ATP13A4: variants seen among roughly 807,000 people sequenced by gnomAD.
The protein encoded by ATP13A4 is ATPase 13A4, also known as probable cation-transporting ATPase 13A4.
In ATP13A4, 114 loss-of-function variants were observed where a neutral mutation model predicts 142.5. The ratio of observed to expected loss-of-function variants is 0.80; its 90% confidence interval spans 0.69 to 0.93. The LOEUF (loss-of-function observed/expected upper bound fraction) is 0.93. Among genes scored for constraint, ATP13A4 ranks in the 40% least tolerant of loss-of-function variants. ATP13A4 has a pLI of 0.00. For synonymous variants in ATP13A4, 488 were observed against 514.8 expected (o/e 0.95, Z 0.70); for missense variants, 1,392 against 1,454.0 (o/e 0.96, Z 0.69).
intron 1 of ATP13A4, among the ~76,000 whole-genome samples, chr3:193,583,444 T>C (rs929299492): frequency 6.6e-6 from 1 of 150,714 alleles, no homozygotes; most frequent in Non-Finnish European, 1.5e-5. Context: ...AAAAATAAAA[T>C]AAAATAAATA....
chr3:193,432,586 G>C lies in ATP13A4; in HGVS notation c.2842+1259C>G, dbSNP rs190932576. On this transcript the variant is annotated intron_variant, in intron 25 of 29. Coordinates refer to ENST00000342695, the MANE Select transcript of ATP13A4 (RefSeq NM_032279.4). ...AAAAAGAAATGAACTATCAAACTAT[G>C]AAAAGACATAGTTGAACCTTAAATG... is the stretch of plus-strand genomic sequence containing the variant. Among the ~76,000 whole-genome samples, 152 of 152,132 alleles carry C rather than the reference G, an allele frequency of 1.0e-3. 2 individuals are homozygous for C. Among genetic ancestry groups the C allele is most frequent in the African/African-American group, 3.5e-3 (144 of 41,526 alleles).
intron 25 of ATP13A4, chr3:193,417,080 G>A (rs1015634965): frequency 3.4e-5 from 5 of 145,470 alleles, no homozygotes; most frequent in African/African-American, 9.9e-5. Flanking sequence ...TTAAGATGCT[G>A]AAAGAAAAAG....
intron 1 of ATP13A4, among the ~76,000 whole-genome samples, chr3:193,548,825 G>A (rs1266832474): frequency 6.6e-6 from 1 of 152,190 alleles, no homozygotes. Context: ...CCCATTACTA[G>A]GTTCTCCGAA....
intron 25 of ATP13A4, among the ~76,000 whole-genome samples, chr3:193,432,961 G>A (rs7643458): frequency 1.3e-5 from 2 of 151,994 alleles, no homozygotes; most frequent in African/African-American, 4.8e-5. Context: ...TAATGTAAAC[G>A]ATGGACTTTG....
In ATP13A4 at chr3:193,457,395, C is replaced by G. The variant is rs146217259; in HGVS notation, c.1745G>C (p.Cys582Ser). 2.0e-4 allele frequency: 317 copies of G among 1,614,202 alleles called. 2 individuals are homozygous for G. In the African/African-American group the frequency reaches 4.0e-3, roughly 20 times the overall value. Residue 582 changes from cysteine (C) to serine (S), a missense_variant, in exon 15 of 30, where the codon TGC becomes TCC. Physicochemically the swap from Cys to Ser is moderately radical, Grantham distance 112 (BLOSUM62 -1). Coordinates refer to ENST00000342695, the MANE Select transcript of ATP13A4 (RefSeq NM_032279.4). ...AGGGCTTACCTGGCTGGCTGTTCTG[C>G]AGGGCTTAACTACCATGGCATGTGC... ...VPAHAMVVKP[C>S]RTASQVPVEG...
chr3:193,414,137 G>A (rs1714924638), intron 26 of ATP13A4, among the ~76,000 whole-genome samples: 1 of 152,160 alleles, frequency 6.6e-6, no homozygotes, highest in Non-Finnish European at 1.5e-5. Context: ...ATTGGGGGCA[G>A]GTTCCCCCGA....
intron 25 of ATP13A4, among the ~76,000 whole-genome samples, chr3:193,432,176 A>G (rs1451427455): frequency 6.6e-6 from 1 of 152,214 alleles, no homozygotes; most frequent in African/African-American, 2.4e-5. Flanking sequence ...ATCCTTGAGA[A>G]GGTTGGAGGA....
At chr3:193,441,322 CA>C in intron 20 of ATP13A4, 143 bp downstream of exon 20, 1 of 1,061,628 alleles carries the variant, frequency 9.4e-7, no homozygotes, top group South Asian at 1.4e-5. Flanking sequence ...GTATCTTCTG[CA>C]AAAATATCTG....
At chr3:193,568,109 G>A (rs147107626) in intron 2 of ATP13A4, among the ~76,000 whole-genome samples, 4,789 of 152,076 alleles carry the variant, frequency 0.031, 242 homozygotes, top group African/African-American at 0.11. Context: ...ACAGGCACAT[G>A]CCACCACACC....
At chr3:193,470,367 G>T (rs1489934) in intron 9 of ATP13A4, among the ~76,000 whole-genome samples, 2 of 152,144 alleles carry the variant, frequency 1.3e-5, no homozygotes, top group African/African-American at 4.8e-5. Context: ...ACTGGAAGCA[G>T]CAGCTTTACC....
chr3:193,556,167 A>G (rs1723879508), upstream of ATP13A4, among the ~76,000 whole-genome samples: 1 of 152,144 alleles, frequency 6.6e-6, no homozygotes, highest in South Asian at 2.1e-4. Context: ...CTCACATGTA[A>G]CATAAAGATG....
chr3:193,445,157 G>C (rs1228451760), intron 18 of ATP13A4, among the ~76,000 whole-genome samples: 2 of 152,190 alleles, frequency 1.3e-5, no homozygotes, highest in African/African-American at 4.8e-5. Context: ...GAGAGCACTG[G>C]CCAGGCGCAG....
chr3:193,438,405 A>T, intron 23 of ATP13A4, 70 bp downstream of exon 23: 1 of 1,305,940 alleles, frequency 7.7e-7, no homozygotes, highest in Admixed American at 1.8e-5. Context: ...AGTCTTTCCC[A>T]GGCAGAACAA....
chr3:193,474,925 A>G (rs1349471890), intron 8 of ATP13A4, among the ~76,000 whole-genome samples: 1 of 152,062 alleles, frequency 6.6e-6, no homozygotes, highest in Non-Finnish European at 1.5e-5. Context: ...TTTCTAAAAA[A>G]GAGAGTGAGA....
At chr3:193,433,954 A>T in intron 24 of ATP13A4, 37 bp from the exon 25 acceptor site, 1 of 1,498,596 alleles carries the variant, frequency 6.7e-7, no homozygotes, top group Non-Finnish European at 9.3e-7. Context: ...AAAAGTTGTG[A>T]CCTTCTGGAT....
chr3:193,481,734 AC>A (rs1719308088), intron 8 of ATP13A4, among the ~76,000 whole-genome samples: 1 of 152,130 alleles, frequency 6.6e-6, no homozygotes, highest in Non-Finnish European at 1.5e-5. Context: ...TAAGGAAGCA[AC>A]CCCAGGTTAT....
intron 1 of ATP13A4, among the ~76,000 whole-genome samples, chr3:193,531,303 G>GGA: frequency 9.8e-6 from 1 of 102,346 alleles, no homozygotes; most frequent in Non-Finnish European, 1.9e-5. Context: ...AGGGAGGAAG[G>GGA]AAGGAAGGAA....
chr3:193,419,734 G>A (rs549944835), intron 25 of ATP13A4, among the ~76,000 whole-genome samples: 1 of 150,288 alleles, frequency 6.7e-6, no homozygotes, highest in Admixed American at 6.8e-5. Flanking sequence ...AGGAAAAATA[G>A]CTCTAGTTCC....
chr3:193,516,694 G>A (rs1577042308), intron 1 of ATP13A4, among the ~76,000 whole-genome samples: 1 of 152,028 alleles, frequency 6.6e-6, no homozygotes, highest in South Asian at 2.1e-4. Flanking sequence ...ATATTTAAAA[G>A]TTTCCTTATA....
Sources: allele counts gnomAD v4.1 joint callset (sites outside exome capture counted in the v4.1 genomes callset), GRCh38; gene constraint gnomAD v4.1.1; transcripts MANE v1.5; gene names NCBI Gene and HGNC (gene_info 2026-07-23, HGNC 2026-07-21).